The following CACNA1D variants were observed in gnomAD, a reference collection of about 807,000 sequenced individuals.
CACNA1D encodes calcium voltage-gated channel subunit alpha1 D.
Under a neutral mutation model 257.1 loss-of-function variants are expected in CACNA1D, and 55 were observed. That is an observed-to-expected ratio of 0.21 (90% CI 0.17 to 0.27). The LOEUF (loss-of-function observed/expected upper bound fraction) is 0.27, where lower values mean the gene tolerates loss of function less well. Ranked by LOEUF, CACNA1D falls within the 10% of genes least tolerant of loss-of-function variation. The pLI is 1.00. For synonymous variants in CACNA1D, 980 were observed against 1,014.9 expected, an observed-to-expected ratio of 0.97 and a Z score of 0.65; for missense variants, 1,876 against 2,784.0, an observed-to-expected ratio of 0.67 and a Z score of 7.34.
At chr3:53,620,647 A>G (rs553058043) in intron 3 of CACNA1D, among the ~76,000 whole-genome samples, 1 of 152,346 alleles carries the variant, frequency 6.6e-6, no homozygotes, top group South Asian at 2.1e-4. Flanking sequence ...CAAAATTTGT[A>G]CTTTCATGAT....
chr3:53,542,229 C>T (rs1304019943), intron 3 of CACNA1D, among the ~76,000 whole-genome samples: 2 of 150,982 alleles, frequency 1.3e-5, no homozygotes, highest in African/African-American at 4.9e-5. Context: ...TCAGTTGTCT[C>T]AGTGAAGTTT....
intron 3 of CACNA1D, among the ~76,000 whole-genome samples, chr3:53,634,785 T>C (rs11720018): frequency 0.045 from 6,773 of 152,108 alleles, 219 homozygotes; most frequent in Middle Eastern, 0.11. Context: ...TTGTGACCAT[T>C]GAGAGGATGA....
intron 3 of CACNA1D, among the ~76,000 whole-genome samples, chr3:53,548,805 G>C (rs1428011407): frequency 6.6e-6 from 1 of 152,118 alleles, no homozygotes; most frequent in African/African-American, 2.4e-5. Flanking sequence ...CCCATTTAAC[G>C]TCCACACAGA....
At chr3:53,553,456 G>A (rs1232644124) in intron 3 of CACNA1D, among the ~76,000 whole-genome samples, 2 of 152,180 alleles carry the variant, frequency 1.3e-5, no homozygotes, top group Non-Finnish European at 2.9e-5. Context: ...GCATTTGCTG[G>A]TGGTGGCAGG....
chr3:53,526,362 G>C (rs1029506152), intron 3 of CACNA1D, among the ~76,000 whole-genome samples: 1 of 152,312 alleles, frequency 6.6e-6, no homozygotes, highest in South Asian at 2.1e-4. Context: ...TGAACTTGGG[G>C]CTGTATTCCC....
At chr3:53,583,545 C>A (rs907370645) in intron 3 of CACNA1D, among the ~76,000 whole-genome samples, 2 of 152,154 alleles carry the variant, frequency 1.3e-5, no homozygotes, top group Non-Finnish European at 2.9e-5. Flanking sequence ...CCTCCTTGAC[C>A]TGAGGGGTCT....
chr3:53,566,746 C>T lies in CACNA1D; in HGVS notation c.483+65026C>T, dbSNP rs1261289673. Among the ~76,000 whole-genome samples the T allele has an allele frequency of 3.9e-5, 6 of 152,198 alleles. No individual in the cohort carries two copies. The South Asian group carries it at 1.2e-3, about 32-fold the overall frequency. On this transcript the variant is annotated intron_variant, in intron 3 of 47. Transcript: ENST00000350061. ...AGGCCCGTGCCCCACCAGCCCTCCC[C>T]GAGAGCTCCTGCGGCAGCTTGCTTG...
chr3:53,548,526 T>C (rs562317380), intron 3 of CACNA1D, among the ~76,000 whole-genome samples: 4 of 152,268 alleles, frequency 2.6e-5, no homozygotes, highest in Admixed American at 1.3e-4. Context: ...TCTGCTGTGC[T>C]CGAGTGATGG....
chr3:53,689,636 G>T (rs1381963214), intron 8 of CACNA1D, among the ~76,000 whole-genome samples: 2 of 152,036 alleles, frequency 1.3e-5, no homozygotes, highest in African/African-American at 4.8e-5. Flanking sequence ...TTGTATGAGA[G>T]AATTTTTCTT....
chr3:53,532,252 C>T (rs2091975122), intron 3 of CACNA1D, among the ~76,000 whole-genome samples: 1 of 152,190 alleles, frequency 6.6e-6, no homozygotes, highest in Admixed American at 6.5e-5. Context: ...ACTCTGTGTC[C>T]TGCAGGGGGA....
At position 53,811,424 on chromosome 3, in the gene CACNA1D, A is replaced by G; in HGVS notation, c.*18A>G. 1 of 1,532,780 alleles carries G rather than the reference A, an allele frequency of 6.5e-7. No individual in the cohort carries two copies. The highest frequency in any genetic ancestry group is 8.8e-7 in the Non-Finnish European group (1 of 1,139,258). The allele number at this position is 1,532,780 out of a possible 1,614,324, so 94.9% of individuals were successfully genotyped here. A position where few individuals can be genotyped will look rare whatever the true frequency, so the allele number is the denominator to read the frequency against. ...CCTTGTAGCCCCCAGCGAGGGGCAG[A>G]CTGGCTCTGGCCTCAGGTGGGGCGC... On this transcript the variant is annotated 3_prime_UTR_variant, in exon 48 of 48. Coordinates refer to ENST00000350061, the MANE Select transcript of CACNA1D (RefSeq NM_001128840.3). This position sits in a 1 kb window ranked among gnomAD's most constrained non-coding sequence, Gnocchi z 4.2.
rs576815338 is a variant in CACNA1D, at chr3:53,549,393, C to G, written c.483+47673C>G. On this transcript the variant is annotated intron_variant, in intron 3 of 47. Transcript: ENST00000350061. ...TGAGACCGTGTGGATATAGTGAACC[C>G]AACTCTTGGTAGACTTGGGCTCTAT... 1.8e-4 allele frequency among the ~76,000 whole-genome samples: 27 copies of G among 152,278 alleles called. No homozygotes were observed. In the South Asian group the frequency reaches 5.4e-3, roughly 30 times the overall value.
intron 3 of CACNA1D, among the ~76,000 whole-genome samples, chr3:53,620,132 T>TC (rs1294803049): frequency 2.0e-5 from 3 of 152,080 alleles, no homozygotes; most frequent in African/African-American, 7.2e-5. Context: ...AGCAGAGAAG[T>TC]CCAGGCTCTC....
chr3:53,741,003 A>T (rs1311295097), intron 21 of CACNA1D, among the ~76,000 whole-genome samples: 1 of 152,192 alleles, frequency 6.6e-6, no homozygotes, highest in Non-Finnish European at 1.5e-5. Flanking sequence ...ATGGGCTTAC[A>T]TTTACACAAA....
At chr3:53,640,480 G>A (rs2093937833) in intron 3 of CACNA1D, among the ~76,000 whole-genome samples, 1 of 152,010 alleles carries the variant, frequency 6.6e-6, no homozygotes, top group South Asian at 2.1e-4. Flanking sequence ...GTGTAGAGAT[G>A]GGATCTTGGA....
intron 3 of CACNA1D, among the ~76,000 whole-genome samples, chr3:53,641,800 C>G (rs2108208012): frequency 6.6e-6 from 1 of 152,250 alleles, no homozygotes; most frequent in Middle Eastern, 3.4e-3. Context: ...TAGATGAATT[C>G]CCAGAGGCAG....
chr3:53,520,899 C>CTTTTT (rs796398731), intron 3 of CACNA1D, among the ~76,000 whole-genome samples: 2 of 98,108 alleles, frequency 2.0e-5, no homozygotes, highest in Admixed American at 1.1e-4. Context: ...TCTTTCTTTT[C>CTTTTT]TTTTCTTTTC....
At chr3:53,730,662 C>G in intron 16 of CACNA1D, 106 bp downstream of exon 16, 2 of 846,436 alleles carry the variant, frequency 2.4e-6, no homozygotes, top group Non-Finnish European at 4.0e-6. Context: ...CTGCAGCCCC[C>G]GGGTTGCTGC....
chr3:53,502,985 G>T (rs376041459), intron 3 of CACNA1D, among the ~76,000 whole-genome samples: 3 of 152,138 alleles, frequency 2.0e-5, no homozygotes, highest in East Asian at 1.9e-4. Flanking sequence ...CGTTGTAAAG[G>T]CAAACACACT....
Sources: gnomAD v4.1 joint callset for allele counts (sites outside exome capture counted in the v4.1 genomes callset) on GRCh38, gnomAD v4.1.1 for gene constraint, Gnocchi (gnomAD v3.1) non-coding constraint, MANE v1.5 for transcripts, NCBI Gene and HGNC (gene_info 2026-07-23, HGNC 2026-07-21) for gene names.